The following LDLRAD3 variants were observed in gnomAD, a reference collection of about 807,000 sequenced individuals.
LDLRAD3 encodes the protein low-density lipoprotein receptor class A domain-containing protein 3.
In LDLRAD3, 20 loss-of-function variants were observed where a neutral mutation model predicts 29.4. The observed-to-expected ratio is 0.68, with a 90% CI of 0.48 to 0.99. The LOEUF (loss-of-function observed/expected upper bound fraction) is 0.99, where lower values mean the gene tolerates loss of function less well. Among genes scored for constraint, LDLRAD3 ranks in the 50% least tolerant of loss-of-function variants. The pLI is 0.00. For synonymous variants in LDLRAD3, 157 were observed against 192.7 expected, an observed-to-expected ratio of 0.81 and a Z score of 1.53; for missense variants, 420 against 454.3, an observed-to-expected ratio of 0.92 and a Z score of 0.69.
chr11:36,230,480 T>G lies in LDLRAD3; in HGVS notation c.*1083T>G, dbSNP rs759677618. The G allele has an allele frequency of 2.0e-5, 3 of 152,786 alleles. No individual in the cohort carries two copies. Among genetic ancestry groups the G allele is most frequent in the African/African-American group, 7.2e-5 (3 of 41,424 alleles). 9.5% of individuals were successfully genotyped at this position (152,786 alleles called of 1,614,324 possible). On this transcript the variant is annotated 3_prime_UTR_variant, in exon 6 of 6. Transcript: ENST00000315571. ...AATACCTCCAGCAAGCTCTCCTGGC[T>G]CCCTGCACTGTGCACGCTCCTCTTC...
In LDLRAD3 at chr11:36,127,928, T is replaced by C. The variant is rs1362609083; in HGVS notation, c.454+29467T>C. Among the ~76,000 whole-genome samples the C allele has an allele frequency of 2.6e-5, 4 of 151,586 alleles. No individual in the cohort carries two copies. In the South Asian group the frequency reaches 6.3e-4, roughly 24 times the overall value. On this transcript the variant is annotated intron_variant, in intron 4 of 5. Transcript: ENST00000315571. ...TTTCCCTGGGTCAAAGGTCCACCAG[T>C]TGAGGTGTTTTAATGCCCTTCCAAA...
At chr11:36,062,691 A>G (rs182485566) in intron 2 of LDLRAD3, among the ~76,000 whole-genome samples, 116 of 152,148 alleles carry the variant, frequency 7.6e-4, no homozygotes, top group African/African-American at 2.5e-3. Flanking sequence ...ATGAAATCTG[A>G]TGGTTTTATA....
intron 4 of LDLRAD3, among the ~76,000 whole-genome samples, chr11:36,125,244 G>C (rs1034831510): frequency 6.6e-6 from 1 of 152,170 alleles, no homozygotes; most frequent in Admixed American, 6.5e-5. Flanking sequence ...CTGGTACACA[G>C]AGGCAGTAGA....
chr11:36,038,358 T>C (rs555071272), intron 2 of LDLRAD3, among the ~76,000 whole-genome samples: 1 of 152,330 alleles, frequency 6.6e-6, no homozygotes, highest in East Asian at 1.9e-4. Context: ...TGAGGATTTA[T>C]TAAACACTGT....
intron 1 of LDLRAD3, among the ~76,000 whole-genome samples, chr11:35,990,746 C>T (rs1249722990): frequency 6.6e-6 from 1 of 152,168 alleles, no homozygotes; most frequent in Non-Finnish European, 1.5e-5. Context: ...GTATTCTTCC[C>T]TGTCTGTGTC....
At chr11:36,126,337 T>C (rs980769794) in intron 4 of LDLRAD3, among the ~76,000 whole-genome samples, 2 of 152,186 alleles carry the variant, frequency 1.3e-5, no homozygotes, top group Admixed American at 1.3e-4. Context: ...CTGTGCCCTG[T>C]TCCTAAATCA....
intron 1 of LDLRAD3, chr11:35,968,454 C>T (rs1246754729): frequency 2.6e-6 from 1 of 378,092 alleles, no homozygotes; most frequent in Non-Finnish European, 5.3e-6. Context: ...AGGTGTGACA[C>T]TGGAGTCCTC....
intron 4 of LDLRAD3, among the ~76,000 whole-genome samples, chr11:36,177,055 G>C (rs1216235496): frequency 4.0e-5 from 6 of 151,670 alleles, no homozygotes; most frequent in Non-Finnish European, 7.4e-5. Flanking sequence ...TAATTTGAAA[G>C]CCTTGTCTTC....
intron 1 of LDLRAD3, among the ~76,000 whole-genome samples, chr11:35,988,153 G>C (rs1426354476): frequency 1.3e-5 from 2 of 152,084 alleles, no homozygotes; most frequent in Non-Finnish European, 2.9e-5. Flanking sequence ...AATCTCGTCG[G>C]GTCAAGCCAT....
chr11:36,204,850 A>T (rs1455443076), intron 4 of LDLRAD3, among the ~76,000 whole-genome samples: 1 of 152,062 alleles, frequency 6.6e-6, no homozygotes, highest in Non-Finnish European at 1.5e-5. Context: ...AGTTTTCCTA[A>T]GCTATCATTT....
At chr11:35,975,536 G>A (rs976172502) in intron 1 of LDLRAD3, among the ~76,000 whole-genome samples, 1 of 152,126 alleles carries the variant, frequency 6.6e-6, no homozygotes, top group African/African-American at 2.4e-5. Flanking sequence ...ACAGTTCCTG[G>A]CCAAAATAAT....
At chr11:36,080,058 A>G (rs1200733069) in intron 2 of LDLRAD3, among the ~76,000 whole-genome samples, 1 of 152,228 alleles carries the variant, frequency 6.6e-6, no homozygotes, top group Non-Finnish European at 1.5e-5. Context: ...TAAAACCCTG[A>G]TGATTGTGAG....
At chr11:36,191,576 C>CTCTCTCTCTATATATATA (rs377747518) in intron 4 of LDLRAD3, among the ~76,000 whole-genome samples, 7 of 53,432 alleles carry the variant, frequency 1.3e-4, no homozygotes, top group African/African-American at 5.0e-4. Context: ...CTCTCTCTCT[C>CTCTCTCTCTATATATATA]TATATATATA....
intron 3 of LDLRAD3, among the ~76,000 whole-genome samples, chr11:36,096,395 A>G (rs1286565692): frequency 6.6e-6 from 1 of 152,094 alleles, no homozygotes; most frequent in Non-Finnish European, 1.5e-5. Flanking sequence ...CAACATAGCA[A>G]TCTTCTGTGC....
intron 4 of LDLRAD3, among the ~76,000 whole-genome samples, chr11:36,157,522 C>T (rs34606349): frequency 6.6e-6 from 1 of 152,058 alleles, no homozygotes; most frequent in South Asian, 2.1e-4. Flanking sequence ...GCCCAGAGAA[C>T]AGATGAACAT....
chr11:36,097,213 C>CT (rs960380840), intron 3 of LDLRAD3, among the ~76,000 whole-genome samples: 1 of 152,140 alleles, frequency 6.6e-6, no homozygotes, highest in Admixed American at 6.5e-5. Flanking sequence ...GGTTCATGGG[C>CT]TTTTTTGTTT....
At chr11:35,981,293 C>G (rs958298975) in intron 1 of LDLRAD3, among the ~76,000 whole-genome samples, 1 of 152,066 alleles carries the variant, frequency 6.6e-6, no homozygotes, top group African/African-American at 2.4e-5. Context: ...TAACTTGGGA[C>G]TATAACTTTG....
intron 1 of LDLRAD3, among the ~76,000 whole-genome samples, chr11:35,991,660 G>T (rs1298416664): frequency 6.6e-6 from 1 of 152,174 alleles, no homozygotes; most frequent in Non-Finnish European, 1.5e-5. Flanking sequence ...TGGGCACGGG[G>T]ATGTTCCTAG....
chr11:36,018,428 A>G (rs964543637), intron 1 of LDLRAD3, among the ~76,000 whole-genome samples: 7 of 152,216 alleles, frequency 4.6e-5, no homozygotes, highest in Admixed American at 3.9e-4. Flanking sequence ...AAATCCATGC[A>G]TAATTTTTTC....
Sources: allele counts gnomAD v4.1 joint callset (sites outside exome capture counted in the v4.1 genomes callset), GRCh38; gene constraint gnomAD v4.1.1; transcripts MANE v1.5; gene names NCBI Gene and HGNC (gene_info 2026-07-23, HGNC 2026-07-21).